ATE1: variants seen among roughly 807,000 people sequenced by gnomAD.
ATE1 encodes arginyltransferase 1.
ATE1 carries 36 observed loss-of-function variants against 70.5 expected under a neutral mutation model. The ratio of observed to expected loss-of-function variants is 0.51; its 90% CI spans 0.39 to 0.67. ATE1 has a LOEUF of 0.67. ATE1 is among the 30% of genes least tolerant of loss of function. The probability of loss-of-function intolerance (pLI) is 0.00; values close to 1 mark genes in which losing one functional copy is unlikely to be tolerated. For synonymous variants in ATE1, 232 were observed against 219.3 expected, an observed-to-expected ratio of 1.06 and a Z score of -0.51; for missense variants, 593 against 629.5, an observed-to-expected ratio of 0.94 and a Z score of 0.62.
At chr10:121,861,689 T>C (rs536992359) in intron 8 of ATE1, among the ~76,000 whole-genome samples, 1 of 150,378 alleles carries the variant, frequency 6.6e-6, no homozygotes, top group South Asian at 2.1e-4. Context: ...GCATGGCACA[T>C]GTATACATAC....
intron 9 of ATE1, 151 bp from the exon 10 acceptor site, chr10:121,836,968 C>T (rs1382112579): frequency 6.7e-6 from 4 of 598,838 alleles, no homozygotes; most frequent in Non-Finnish European, 1.2e-5. Context: ...TTTTAAAACA[C>T]TATACAATTT....
At chr10:121,795,639 T>C (rs896174522) in intron 10 of ATE1, among the ~76,000 whole-genome samples, 19 of 152,240 alleles carry the variant, frequency 1.2e-4, no homozygotes, top group Non-Finnish European at 1.5e-5. Flanking sequence ...TTATTTTTCT[T>C]CTAAGTACAG....
At chr10:121,927,529 C>G (rs888120059) in intron 1 of ATE1, 2 of 985,382 alleles carry the variant, frequency 2.0e-6, no homozygotes, top group East Asian at 1.1e-4. Context: ...TTAACTACGG[C>G]TCTGGGGCGT....
chr10:121,850,959 C>T (rs1282542867), intron 8 of ATE1, among the ~76,000 whole-genome samples: 1 of 151,422 alleles, frequency 6.6e-6, no homozygotes, highest in African/African-American at 2.4e-5. Flanking sequence ...GGCATGGTGG[C>T]GGGAGGCTGG....
In ATE1 at chr10:121,914,317, G is replaced by A. The variant is rs544149198; in HGVS notation, c.234-424C>T. Reference sequence around the variant, plus strand: ...CCTGAACTCGTGATCCACCTGCCTCGGCCTCCCAAAATGCTGGGATTACGT... The same window carrying A: ...CCTGAACTCGTGATCCACCTGCCTCAGCCTCCCAAAATGCTGGGATTACGT... On this transcript the variant is annotated intron_variant, in intron 3 of 11. Coordinates refer to ENST00000224652, the MANE Select transcript of ATE1 (RefSeq NM_001001976.3). 7.3e-5 allele frequency among the ~76,000 whole-genome samples: 11 copies of A among 151,714 alleles called. No individual in the cohort carries two copies. In the South Asian group the frequency reaches 1.5e-3, roughly 20 times the overall value.
At chr10:121,899,082 A>T in intron 7 of ATE1, 1 of 1,262,708 alleles carries the variant, frequency 7.9e-7, no homozygotes, top group African/African-American at 1.5e-5. Context: ...CTCGAACTCG[A>T]ATTTGTCATG....
chr10:121,813,171 C>T lies in ATE1; in HGVS notation c.1258-22882G>A, dbSNP rs187022629. The stretch of plus-strand genomic sequence containing the variant: ...AATATGAAATCAAGCCCAACACAAA[C>T]ATGGTCCATCAAACACTCTTCTGAA... On this transcript the variant is annotated intron_variant, in intron 10 of 11. Coordinates refer to ENST00000224652, the MANE Select transcript of ATE1 (RefSeq NM_001001976.3). Among the ~76,000 whole-genome samples, 190 of 152,312 alleles carry T rather than the reference C, an allele frequency of 1.2e-3. 1 individual carries two copies. The highest frequency in any genetic ancestry group is 2.0e-3 in the Non-Finnish European group (134 of 68,026).
chr10:121,826,696 G>A (rs148899741), intron 10 of ATE1, among the ~76,000 whole-genome samples: 26 of 152,282 alleles, frequency 1.7e-4, no homozygotes, highest in African/African-American at 5.3e-4. Flanking sequence ...GAGGTTTGGC[G>A]TACAAATGAA....
chr10:121,803,193 G>A (rs1004472608), intron 10 of ATE1, among the ~76,000 whole-genome samples: 4 of 151,970 alleles, frequency 2.6e-5, no homozygotes, highest in East Asian at 3.9e-4. Flanking sequence ...ATTTCTTTAC[G>A]TTCCCTATGC....
At chr10:121,829,579 C>T (rs1203893786) in intron 10 of ATE1, among the ~76,000 whole-genome samples, 2 of 151,376 alleles carry the variant, frequency 1.3e-5, no homozygotes, top group East Asian at 1.9e-4. Flanking sequence ...CGTGGTGGTA[C>T]GCACCTGTAA....
chr10:121,782,120 G>A (rs964752727), intron 11 of ATE1, among the ~76,000 whole-genome samples: 1 of 152,202 alleles, frequency 6.6e-6, no homozygotes, highest in African/African-American at 2.4e-5. Context: ...ATTCTTCTAT[G>A]AAGTTGGGTG....
At chr10:121,897,838 A>AG (rs1950837522) in intron 7 of ATE1, among the ~76,000 whole-genome samples, 1 of 151,730 alleles carries the variant, frequency 6.6e-6, no homozygotes, top group Non-Finnish European at 1.5e-5. Flanking sequence ...AAAAAAAAAA[A>AG]AAAAGTAGAT....
At chr10:121,881,968 T>C (rs1223976512) in intron 7 of ATE1, among the ~76,000 whole-genome samples, 1 of 152,086 alleles carries the variant, frequency 6.6e-6, no homozygotes, top group Non-Finnish European at 1.5e-5. Flanking sequence ...TAATTTCTTT[T>C]GTATTTTAGT....
At chr10:121,894,834 G>A (rs895768008) in intron 7 of ATE1, among the ~76,000 whole-genome samples, 1 of 152,136 alleles carries the variant, frequency 6.6e-6, no homozygotes, top group African/African-American at 2.4e-5. Context: ...CCGAGAGGCG[G>A]AGCTTGCAGT....
intron 5 of ATE1, 34 bp downstream of exon 5, chr10:121,910,872 G>A (rs780913039): frequency 2.4e-5 from 39 of 1,612,186 alleles, no homozygotes; most frequent in Non-Finnish European, 2.9e-5. Context: ...AAGCAAAGCC[G>A]TGAATATGAC....
chr10:121,810,706 T>G (rs777087421), intron 10 of ATE1, among the ~76,000 whole-genome samples: 1 of 152,052 alleles, frequency 6.6e-6, no homozygotes, highest in East Asian at 1.9e-4. Context: ...AAACAAATTT[T>G]TTTTTGTTTT....
chr10:121,910,008 C>T (rs954720931), intron 5 of ATE1, among the ~76,000 whole-genome samples: 1 of 152,300 alleles, frequency 6.6e-6, no homozygotes, highest in African/African-American at 2.4e-5. Context: ...CACGCCACTT[C>T]ACTCCAGCCT....
intron 11 of ATE1, among the ~76,000 whole-genome samples, chr10:121,787,884 G>A (rs1480022028): frequency 2.6e-5 from 4 of 152,072 alleles, no homozygotes; most frequent in Non-Finnish European, 5.9e-5. Flanking sequence ...CTTTATAAAA[G>A]GAGAATTTGT....
intron 10 of ATE1, among the ~76,000 whole-genome samples, chr10:121,827,765 C>CA (rs1948084477): frequency 6.6e-6 from 1 of 151,958 alleles, no homozygotes; most frequent in Admixed American, 6.6e-5. Context: ...TGGTCATGGA[C>CA]AAAAAATATC....
Sources: allele counts gnomAD v4.1 joint callset (sites outside exome capture counted in the v4.1 genomes callset), GRCh38; gene constraint gnomAD v4.1.1; transcripts MANE v1.5; gene names NCBI Gene and HGNC (gene_info 2026-07-23, HGNC 2026-07-21).